HNF4A: variants seen among roughly 807,000 people sequenced by gnomAD.
HNF4A encodes the protein hepatocyte nuclear factor 4 alpha.
A neutral mutation model predicts 52.4 loss-of-function variants in HNF4A; 15 were observed. That is an observed-to-expected ratio of 0.29 (90% CI 0.19 to 0.44). HNF4A has a LOEUF of 0.44. Among genes scored for constraint, HNF4A ranks in the 20% least tolerant of loss-of-function variants. The pLI is 1.00. For missense variants in HNF4A, 479 were observed against 647.2 expected (o/e 0.74, Z 2.82); for synonymous variants, 280 against 264.4 (o/e 1.06, Z -0.57).
chr20:44,386,086 A>T (rs6130606), intron 1 of HNF4A, among the ~76,000 whole-genome samples: 34,180 of 149,974 alleles, frequency 0.23, 4,871 homozygotes, highest in Non-Finnish European at 0.33. Context: ...TGAACTCCTG[A>T]ACTCAGGTGA....
chr20:44,426,781 T>C (rs2063819297), intron 8 of HNF4A, among the ~76,000 whole-genome samples: 1 of 152,124 alleles, frequency 6.6e-6, no homozygotes, highest in South Asian at 2.1e-4. Context: ...CACTCCAGCG[T>C]GGGCGACAGA....
At chr20:44,415,131 T>A (rs1213043496) in intron 5 of HNF4A, among the ~76,000 whole-genome samples, 1 of 152,018 alleles carries the variant, frequency 6.6e-6, no homozygotes, top group Non-Finnish European at 1.5e-5. Context: ...GGCAAATGAG[T>A]TCCTCTCTCT....
At chr20:44,426,153 A>G (rs1417781440) in intron 8 of HNF4A, among the ~76,000 whole-genome samples, 1 of 152,208 alleles carries the variant, frequency 6.6e-6, no homozygotes, top group Non-Finnish European at 1.5e-5. Flanking sequence ...CAATTCCAGA[A>G]TCCAAGAGAA....
At chr20:44,367,639 C>A (rs1375356512) in intron 1 of HNF4A, among the ~76,000 whole-genome samples, 239 of 121,084 alleles carry the variant, frequency 2.0e-3, no homozygotes, top group Admixed American at 2.7e-3. Context: ...CACTCCGTCT[C>A]AAAAAAAAAA....
In HNF4A at chr20:44,429,837, CCCTTG is replaced by C. The variant is rs1186576207; in HGVS notation, c.*173_*177del. On this transcript the variant is annotated 3_prime_UTR_variant, in exon 10 of 10. Transcript: ENST00000316099. ...GCCTAAGGGCCACATCCCACTGCCA[CCCTTG>C]ACGCCCTGCTCTGGATAACAAGACT... is the stretch of plus-strand genomic sequence containing the variant. 69 of 649,870 alleles carry C rather than the reference CCCTTG, an allele frequency of 1.1e-4. No homozygotes were observed. The highest frequency in any genetic ancestry group is 1.8e-4 in the Non-Finnish European group (67 of 376,066). The allele number at this position is 649,870 out of a possible 1,614,324, so 40.3% of individuals were successfully genotyped here.
chr20:44,372,414 C>G (rs1202738030), intron 1 of HNF4A, among the ~76,000 whole-genome samples: 3 of 152,178 alleles, frequency 2.0e-5, no homozygotes, highest in Non-Finnish European at 4.4e-5. Context: ...GTGCCTCCAC[C>G]CTGGTTAGCT....
In HNF4A at chr20:44,418,172, G is replaced by A. The variant is rs528736149; in HGVS notation, c.649-253G>A. 1.2e-4 allele frequency among the ~76,000 whole-genome samples: 18 copies of A among 152,164 alleles called. No homozygotes were observed. The South Asian group carries it at 2.9e-3, about 25-fold the overall frequency. On this transcript the variant is annotated intron_variant, in intron 5 of 9. Transcript: ENST00000316099. ...CAGGCACACAGAAGAGGCCCAGCAC[G>A]AAGCAGTTTCTTGCCCAAGGACACA... is the stretch of plus-strand genomic sequence containing the variant.
At chr20:44,360,451 G>A (rs2062904826) in intron 1 of HNF4A, among the ~76,000 whole-genome samples, 1 of 152,106 alleles carries the variant, frequency 6.6e-6, no homozygotes, top group Non-Finnish European at 1.5e-5. Context: ...GTAGATGGAT[G>A]GAAAGATATG....
At chr20:44,414,701 G>T in intron 5 of HNF4A, 39 bp downstream of exon 5, 1 of 1,570,204 alleles carries the variant, frequency 6.4e-7, no homozygotes, top group South Asian at 1.2e-5. Flanking sequence ...AGTGGGCAGT[G>T]GGCGGGGCAG....
intron 7 of HNF4A, among the ~76,000 whole-genome samples, chr20:44,420,236 G>A (rs2063725768): frequency 6.6e-6 from 1 of 152,070 alleles, no homozygotes; most frequent in Non-Finnish European, 1.5e-5. Flanking sequence ...GGAGGCTGAG[G>A]CAGGAGAATT....
At chr20:44,375,645 G>A (rs1156283616) in intron 1 of HNF4A, among the ~76,000 whole-genome samples, 1 of 152,184 alleles carries the variant, frequency 6.6e-6, no homozygotes, top group African/African-American at 2.4e-5. Flanking sequence ...GTGGGTGTTG[G>A]AAGGGAACTT....
rs1186143359 is a variant in HNF4A at position 44,404,520 on chromosome 20, ATG to A, written c.116-1529_116-1528del. ...TGTGTGTATGTTTGTGCATGTGAGCATGTGTGTGTGGACTGTGTGTATGTGTA... is the reference window on the plus strand; with the variant it reads ...TGTGTGTATGTTTGTGCATGTGAGCATGTGTGTGGACTGTGTGTATGTGTA... On this transcript the variant is annotated intron_variant, in intron 1 of 9. Coordinates refer to ENST00000316099, the MANE Select transcript of HNF4A (RefSeq NM_000457.6). Among the ~76,000 whole-genome samples the A allele has an allele frequency of 2.0e-5, 3 of 151,190 alleles. No homozygotes were observed. The East Asian group carries it at 5.9e-4, about 30-fold the overall frequency.
intron 1 of HNF4A, among the ~76,000 whole-genome samples, 184 bp downstream of exon 1, chr20:44,356,037 G>T (rs2062853984): frequency 6.6e-6 from 1 of 150,634 alleles, no homozygotes; most frequent in Non-Finnish European, 1.5e-5. Flanking sequence ...GGCATGGCCT[G>T]CTTGGTGCGA....
intron 1 of HNF4A, among the ~76,000 whole-genome samples, chr20:44,364,226 A>G (rs925772603): frequency 1.2e-4 from 18 of 151,748 alleles, no homozygotes; most frequent in African/African-American, 3.4e-4. Flanking sequence ...TTTATTTTAG[A>G]GACAGGGGTC....
chr20:44,404,584 A>G (rs2063456941), intron 1 of HNF4A, among the ~76,000 whole-genome samples: 1 of 150,244 alleles, frequency 6.7e-6, no homozygotes, highest in Admixed American at 6.6e-5. Flanking sequence ...ACACATTTGT[A>G]TATGTGTGTG....
rs113891426 is a variant in HNF4A, at chr20:44,390,479, C to T, written c.50-15579C>T. 1.8e-3 allele frequency: 1,076 copies of T among 601,412 alleles called. 12 individuals are homozygous for T. In the African/African-American group the frequency reaches 0.018, roughly 10 times the overall value. 37.3% of individuals were successfully genotyped at this position (601,412 alleles called of 1,614,324 possible). On this transcript the variant is annotated intron_variant, in intron 1 of 9. Coordinates refer to the HNF4A transcript ENST00000316673. ...ACAGGTCTGCAGTTTCCATGGAGAC[C>T]GCCTCCCACCATCCCTGAAATCTCA...
chr20:44,368,386 C>T (rs888014378), intron 1 of HNF4A, among the ~76,000 whole-genome samples: 3 of 151,210 alleles, frequency 2.0e-5, no homozygotes, highest in Middle Eastern at 3.4e-3. Context: ...AGGCTGGTGT[C>T]GAACTCATGA....
chr20:44,411,540 G>T (rs78893284), intron 3 of HNF4A, among the ~76,000 whole-genome samples: 5,485 of 152,076 alleles, frequency 0.036, 357 homozygotes, highest in African/African-American at 0.13. Flanking sequence ...GTGGGCGGGT[G>T]GGGTGGACGG....
intron 1 of HNF4A, among the ~76,000 whole-genome samples, chr20:44,366,342 C>T (rs946314179): frequency 2.0e-5 from 3 of 151,980 alleles, no homozygotes; most frequent in Non-Finnish European, 4.4e-5. Flanking sequence ...CCCTATTGGC[C>T]GGGCGCAGTG....
Sources: gnomAD v4.1 joint callset for allele counts (sites outside exome capture counted in the v4.1 genomes callset) on GRCh38, gnomAD v4.1.1 for gene constraint, MANE v1.5 for transcripts, NCBI Gene and HGNC (gene_info 2026-07-23, HGNC 2026-07-21) for gene names.